The following PRCP variants were observed in gnomAD, a reference collection of about 807,000 sequenced individuals.
The protein encoded by PRCP is lysosomal Pro-X carboxypeptidase.
PRCP carries 46 observed loss-of-function variants against 54.2 expected under a neutral mutation model. The observed-to-expected ratio is 0.85, with a 90% CI of 0.67 to 1.09. The LOEUF is 1.09. Ranked by LOEUF, PRCP falls within the 50% of genes least tolerant of loss-of-function variation. The probability of loss-of-function intolerance (pLI) is 0.00; values close to 1 mark genes in which losing one functional copy is unlikely to be tolerated. For synonymous variants in PRCP, 240 were observed against 212.2 expected (o/e 1.13, Z -1.14); for missense variants, 613 against 596.8 (o/e 1.03, Z -0.28).
intron 1 of PRCP, chr11:82,884,765 C>T: frequency 6.2e-7 from 1 of 1,604,582 alleles, no homozygotes; most frequent in Admixed American, 1.7e-5. Flanking sequence ...GCTACTTAAC[C>T]AAGTTCATGG....
intron 1 of PRCP, among the ~76,000 whole-genome samples, chr11:82,890,457 A>G (rs1365495251): frequency 6.6e-6 from 1 of 152,030 alleles, no homozygotes; most frequent in African/African-American, 2.4e-5. Context: ...ATTAGATCCC[A>G]TTTCCTCTTG....
intron 3 of PRCP, 85 bp downstream of exon 3, chr11:82,853,092 T>C (rs1858995996): frequency 7.6e-6 from 7 of 917,240 alleles, no homozygotes; most frequent in Non-Finnish European, 1.1e-5. Context: ...AAATTTAAGT[T>C]ATCTCACAGT....
chr11:82,855,605 C>T (rs1048772494), intron 2 of PRCP, among the ~76,000 whole-genome samples: 2 of 151,724 alleles, frequency 1.3e-5, no homozygotes, highest in Admixed American at 1.3e-4. Context: ...GGCAACAGAG[C>T]GAGACTCTGT....
rs2229437 is a variant in PRCP, at chr11:82,853,252, T to G, written c.336A>C (p.Glu112Asp). 272,297 of 1,610,152 alleles carry G rather than the reference T, an allele frequency of 0.17. 23,998 individuals are homozygous for G. The highest frequency in any genetic ancestry group is 0.21 in the Middle Eastern group (1,299 of 6,052). ...NTGFMWDVAE[E>D]LKAMLVFAEH... The stretch of plus-strand genomic sequence containing the variant: ...CAGCAAACACCAACATAGCTTTCAG[T>G]TCCTCAGCCACATCCCACATGAACC... The change falls in exon 3 of 9, where the codon GAA (glutamate) becomes GAC (aspartate). Residue 112 changes from glutamate to aspartate, a missense_variant. Physicochemically the swap from Glu to Asp is conservative, Grantham distance 45. Transcript: ENST00000313010.
At chr11:82,837,921 T>C (rs898794154) in intron 8 of PRCP, among the ~76,000 whole-genome samples, 1 of 152,208 alleles carries the variant, frequency 6.6e-6, no homozygotes, top group African/African-American at 2.4e-5. Flanking sequence ...TTCAGTTTCC[T>C]TCACAGTAAA....
At chr11:82,855,503 C>T (rs1859063733) in intron 2 of PRCP, among the ~76,000 whole-genome samples, 1 of 152,098 alleles carries the variant, frequency 6.6e-6, no homozygotes, top group African/African-American at 2.4e-5. Context: ...CCTGTAGTCC[C>T]AGCTACTCGG....
intron 1 of PRCP, among the ~76,000 whole-genome samples, chr11:82,861,234 A>G (rs915901381): frequency 1.3e-5 from 2 of 152,178 alleles, no homozygotes; most frequent in African/African-American, 4.8e-5. Context: ...ATGGCTACGA[A>G]TAGTCCCAGT....
intron 1 of PRCP, among the ~76,000 whole-genome samples, chr11:82,897,218 CTA>C (rs1358846354): frequency 6.6e-6 from 1 of 151,752 alleles, no homozygotes; most frequent in Non-Finnish European, 1.5e-5. Context: ...ATAGTCCTAC[CTA>C]ACTCAATATT....
At chr11:82,889,458 G>A (rs936279469) in intron 1 of PRCP, among the ~76,000 whole-genome samples, 6 of 152,030 alleles carry the variant, frequency 3.9e-5, no homozygotes, top group African/African-American at 1.5e-4. Context: ...GAAAGAAGAG[G>A]AAGAGGAAGC....
intron 1 of PRCP, among the ~76,000 whole-genome samples, chr11:82,878,832 T>C (rs1565232802): frequency 6.6e-6 from 1 of 152,244 alleles, no homozygotes; most frequent in Non-Finnish European, 1.5e-5. Flanking sequence ...AAATTCTGGG[T>C]TGAAAATTCT....
chr11:82,877,572 G>A (rs938188110), intron 1 of PRCP, among the ~76,000 whole-genome samples: 1 of 152,222 alleles, frequency 6.6e-6, no homozygotes, highest in South Asian at 2.1e-4. Flanking sequence ...ATAGAGCTTA[G>A]GCTGTGACTT....
At chr11:82,889,796 A>G (rs1260649238) in intron 1 of PRCP, among the ~76,000 whole-genome samples, 1 of 152,226 alleles carries the variant, frequency 6.6e-6, no homozygotes, top group African/African-American at 2.4e-5. Context: ...CTTAAATGCT[A>G]CAGGATTTTG....
chr11:82,880,770 T>C (rs1390068883), intron 1 of PRCP, among the ~76,000 whole-genome samples: 1 of 144,584 alleles, frequency 6.9e-6, no homozygotes, highest in Non-Finnish European at 1.5e-5. Context: ...AAATGGTGAA[T>C]AAATAAAAGC....
At chr11:82,887,789 A>T (rs1313919955) in intron 1 of PRCP, among the ~76,000 whole-genome samples, 1 of 152,142 alleles carries the variant, frequency 6.6e-6, no homozygotes, top group East Asian at 1.9e-4. Flanking sequence ...TATCTGACCT[A>T]CCTTGTCCCA....
At chr11:82,859,949 C>T in intron 2 of PRCP, 28 bp downstream of exon 2, 1 of 1,527,320 alleles carries the variant, frequency 6.5e-7, no homozygotes, top group South Asian at 1.3e-5. Context: ...TCAAATTGAG[C>T]ACTGGAATTT....
chr11:82,854,442 A>T (rs962345369), intron 2 of PRCP, among the ~76,000 whole-genome samples: 24 of 152,200 alleles, frequency 1.6e-4, no homozygotes, highest in Non-Finnish European at 2.5e-4. Flanking sequence ...GAATACAGCT[A>T]ACCAAGGAAG....
chr11:82,874,288 G>A (rs534920570), intron 1 of PRCP, among the ~76,000 whole-genome samples: 1 of 152,284 alleles, frequency 6.6e-6, no homozygotes, highest in East Asian at 1.9e-4. Context: ...TAACAACAGT[G>A]AACAAGCTAG....
chr11:82,899,750 T>C (rs1860210813), intron 1 of PRCP, among the ~76,000 whole-genome samples: 1 of 151,804 alleles, frequency 6.6e-6, no homozygotes, highest in Admixed American at 6.6e-5. Flanking sequence ...GGCTACAAAA[T>C]CAGCTCTGAG....
At chr11:82,872,383 T>C (rs1264918435) in intron 1 of PRCP, among the ~76,000 whole-genome samples, 2 of 152,202 alleles carry the variant, frequency 1.3e-5, no homozygotes, top group Non-Finnish European at 2.9e-5. Flanking sequence ...AATAGGATCA[T>C]TGCAGATGTC....
Sources: allele counts gnomAD v4.1 joint callset (sites outside exome capture counted in the v4.1 genomes callset), GRCh38; gene constraint gnomAD v4.1.1; transcripts MANE v1.5; gene names NCBI Gene and HGNC (gene_info 2026-07-23, HGNC 2026-07-21).